KRT36: variants seen among roughly 807,000 people sequenced by gnomAD.
KRT36 encodes keratin 36.
Under a neutral mutation model 43.0 loss-of-function variants are expected in KRT36, and 41 were observed. That is an observed-to-expected ratio of 0.95 (90% CI 0.74 to 1.24). The LOEUF is 1.24. KRT36 is among the 50% of genes most tolerant of loss of function. KRT36 has a pLI of 0.00. For missense variants in KRT36, 627 were observed against 595.3 expected (o/e 1.05, Z -0.55); for synonymous variants, 277 against 252.9 (o/e 1.10, Z -0.90).
chr17:41,489,722 T>C lies in KRT36; in HGVS notation c.143A>G (p.Tyr48Cys). The change falls in exon 1 of 7, where the codon TAC (tyrosine) becomes TGC (cysteine). Residue 48 changes from tyrosine (Y) to cysteine (C), a missense_variant. Physicochemically the swap from Tyr to Cys is radical, Grantham distance 194. Transcript: ENST00000328119. ...GAGGCCCGACCTAGCAGAAGAGATG[T>C]ACCCTGCAGCACCGGCGAGACTGGG... ...RVPSLAGAAG[Y>C]ISSARSGLSG... 2 of 1,614,048 alleles carry C rather than the reference T, an allele frequency of 1.2e-6. No individual in the cohort carries two copies. Among genetic ancestry groups the C allele is most frequent in the Non-Finnish European group, 1.7e-6 (2 of 1,180,008 alleles).
At position 41,488,417 on chromosome 17, in the gene KRT36, T is replaced by C. The variant is rs1311021457; in HGVS notation, c.543-18A>G. ...TCTCATACCTGCACACACAGAACCC[T>C]GCCAAGTCTGCAGCAAAGGAAACCA... On this transcript the variant is annotated intron_variant, in intron 2 of 6. Coordinates refer to ENST00000328119, the MANE Select transcript of KRT36 (RefSeq NM_003771.5). 6.2e-7 allele frequency: 1 copy of C among 1,609,530 alleles called. No homozygotes were observed. Among genetic ancestry groups the C allele is most frequent in the Non-Finnish European group, 8.5e-7 (1 of 1,176,630 alleles).
Position 41,486,210 on chromosome 17 carries a change from GCA to G in KRT36, c.*164_*165del. 1.7e-6 allele frequency: 1 copy of G among 592,884 alleles called. No homozygotes were observed. Among genetic ancestry groups the G allele is most frequent in the South Asian group, 2.1e-5 (1 of 47,586 alleles). The allele number at this position is 592,884 out of a possible 1,614,324, so 36.7% of individuals were successfully genotyped here. A position where few individuals can be genotyped will look rare whatever the true frequency, so the allele number is the denominator to read the frequency against. On this transcript the variant is annotated 3_prime_UTR_variant, in exon 7 of 7. Coordinates refer to ENST00000328119, the MANE Select transcript of KRT36 (RefSeq NM_003771.5). ...AAACCTGGTTTTGCATGGCGTAAAAGCACAGTTAAGTCCGGAAACACAATACG... is the reference window on the plus strand; with the variant it reads ...AAACCTGGTTTTGCATGGCGTAAAAGCAGTTAAGTCCGGAAACACAATACG...
At position 41,488,518 on chromosome 17, in the gene KRT36, C is replaced by T. The variant is rs55858952; in HGVS notation, c.543-119G>A. ...ATCAGGAGCATGACACTCCTTTCCC[C>T]TGAGGTCCAGGGCTCATGCCACATT... is the stretch of plus-strand genomic sequence containing the variant. On this transcript the variant is annotated intron_variant, in intron 2 of 6. Coordinates refer to ENST00000328119, the MANE Select transcript of KRT36 (RefSeq NM_003771.5). 1.8e-5 allele frequency: 27 copies of T among 1,506,070 alleles called. No individual in the cohort carries two copies. In the South Asian group the frequency reaches 2.9e-4, roughly 16 times the overall value. 93.3% of individuals were successfully genotyped at this position (1,506,070 alleles called of 1,614,324 possible).
Position 41,486,509 on chromosome 17 carries a change from G to A in KRT36, c.1271C>T (p.Pro424Leu), listed in dbSNP as rs147704814. Residue 424 changes from proline to leucine, a missense_variant, in exon 7 of 7, where the codon CCG becomes CTG. By Grantham distance (98) the Pro-to-Leu change is moderately conservative. Coordinates refer to ENST00000328119, the MANE Select transcript of KRT36 (RefSeq NM_003771.5). ...KPVIRVPSVP[P>L]VPCVPSVPCT... ...GGGCACAGAGGGGACACAGGGCACC[G>A]GGGGGACAGAAGGAACTCTAATAAC... The A allele has an allele frequency of 2.8e-5, 45 of 1,608,778 alleles. No homozygotes were observed. The highest frequency in any genetic ancestry group is 3.7e-5 in the Non-Finnish European group (43 of 1,177,792).
chr17:41,488,513 T>C, intron 2 of KRT36, 114 bp from the exon 3 acceptor site: 2 of 1,504,076 alleles, frequency 1.3e-6, no homozygotes, highest in Admixed American at 3.4e-5. Flanking sequence ...TGACACTCCT[T>C]TCCCCTGAGG....
chr17:41,488,785 G>C, intron 1 of KRT36, 61 bp from the exon 2 acceptor site: 3 of 1,393,748 alleles, frequency 2.2e-6, no homozygotes, highest in South Asian at 2.3e-5. Context: ...GGCAGGTAGG[G>C]GGATAGCTCA....
In KRT36 at chr17:41,488,725, C is replaced by T; in HGVS notation, c.460-1G>A. On this transcript the variant is annotated splice_acceptor_variant, in intron 1 of 6. Transcript: ENST00000328119. LOFTEE classifies it high-confidence loss of function. ...CATTCTCAGACTTAGTCAGCAGGAT[C>T]TGGGGAACAAGAGGCTTCCCATAAG... 1 of 1,614,034 alleles carries T rather than the reference C, an allele frequency of 6.2e-7. No individual in the cohort carries two copies. Among genetic ancestry groups the T allele is most frequent in the Non-Finnish European group, 8.5e-7 (1 of 1,179,954 alleles).
chr17:41,489,431 T>C lies in KRT36; in HGVS notation c.434A>G (p.Lys145Arg). Residue 145 changes from lysine (K) to arginine (R), a missense_variant, in exon 1 of 7, where the codon AAG (lysine) becomes AGG (arginine). Lys to Arg is a conservative substitution (Grantham distance 26). Coordinates refer to ENST00000328119, the MANE Select transcript of KRT36 (RefSeq NM_003771.5). ...CTTCTGCTGGAAATCTTCGATGGTC[T>C]TGAAGTAGGACTGGTAGTCTGGGCA... ...YICPDYQSYFKTIEDFQQKIL... is the reference protein window; with the variant it reads ...YICPDYQSYFRTIEDFQQKIL... The C allele has an allele frequency of 6.2e-7, 1 of 1,614,044 alleles. No homozygotes were observed. The highest frequency in any genetic ancestry group is 1.3e-5 in the African/African-American group (1 of 75,044).
chr17:41,487,780 G>A (rs779097120), intron 3 of KRT36, 43 bp from the exon 4 acceptor site: 18 of 1,570,912 alleles, frequency 1.1e-5, no homozygotes, highest in Non-Finnish European at 1.6e-5. Context: ...TGAAAAAGAT[G>A]CTGGATTGCA....
chr17:41,487,991 T>A (rs1904453509), intron 3 of KRT36, among the ~76,000 whole-genome samples: 1 of 152,204 alleles, frequency 6.6e-6, no homozygotes, highest in South Asian at 2.1e-4. Flanking sequence ...AGACATGTAG[T>A]GTTATGGGCA....
At chr17:41,487,504 T>C in intron 4 of KRT36, 28 bp from the exon 5 acceptor site, 2 of 1,613,698 alleles carry the variant, frequency 1.2e-6, no homozygotes, top group Non-Finnish European at 8.5e-7. Flanking sequence ...GCCCAGAGCA[T>C]GGTCAAACCA....
At chr17:41,488,131 A>G (rs1904456257) in intron 3 of KRT36, 112 bp downstream of exon 3, 1 of 998,824 alleles carries the variant, frequency 1.0e-6, no homozygotes, top group Admixed American at 2.3e-5. Flanking sequence ...ATGAAACGAG[A>G]ATGAAATGCA....
In KRT36 at chr17:41,488,490, G is replaced by C. The variant is rs185178684; in HGVS notation, c.543-91C>G. ...CTACTGTCCAGCTGCAGTGGCTGAC[G>C]GGATCAGGAGCATGACACTCCTTTC... On this transcript the variant is annotated intron_variant, in intron 2 of 6. Coordinates refer to ENST00000328119, the MANE Select transcript of KRT36 (RefSeq NM_003771.5). 19 of 1,541,500 alleles carry C rather than the reference G, an allele frequency of 1.2e-5. No individual in the cohort carries two copies. The South Asian group carries it at 1.9e-4, about 15-fold the overall frequency.
intron 1 of KRT36, 64 bp downstream of exon 1, chr17:41,489,342 G>A: frequency 6.5e-7 from 1 of 1,529,480 alleles, no homozygotes; most frequent in South Asian, 1.2e-5. Flanking sequence ...AAAGGCCCTG[G>A]AATGAGACAG....
intron 3 of KRT36, 79 bp from the exon 4 acceptor site, chr17:41,487,816 C>A (rs944501712): frequency 5.7e-6 from 8 of 1,404,290 alleles, no homozygotes; most frequent in Non-Finnish European, 6.9e-6. Flanking sequence ...AATTCAAACC[C>A]TCTTCCCTCA....
At chr17:41,486,873 A>C (rs868391497) in intron 6 of KRT36, 77 bp downstream of exon 6, 3 of 1,356,864 alleles carry the variant, frequency 2.2e-6, no homozygotes, top group South Asian at 2.6e-5. Flanking sequence ...CTGGGCGACA[A>C]CCACTTCTGG....
Position 41,488,388 on chromosome 17 carries a change from T to C in KRT36, c.554A>G (p.Glu185Gly), listed in dbSNP as rs1245883372. The C allele has an allele frequency of 6.2e-7, 1 of 1,613,994 alleles. No individual in the cohort carries two copies. The highest frequency in any genetic ancestry group is 8.5e-7 in the Non-Finnish European group (1 of 1,179,906). ...CTCCACTAGCTGCCGCAGAGACAGCTCTGTCTCATACCTGCACACACAGAA... is the reference window on the plus strand; with the variant it reads ...CTCCACTAGCTGCCGCAGAGACAGCCCTGTCTCATACCTGCACACACAGAA... ...ADDFRTKYET[E>G]LSLRQLVEAD... is the part of the protein sequence containing the mutation. Residue 185 changes from glutamate to glycine, a missense_variant, in exon 3 of 7, where the codon GAG becomes GGG. By Grantham distance (98) the Glu-to-Gly change is moderately conservative (BLOSUM62 -2). Coordinates refer to ENST00000328119, the MANE Select transcript of KRT36 (RefSeq NM_003771.5).
chr17:41,487,851 A>G (rs1904450535), intron 3 of KRT36, 114 bp from the exon 4 acceptor site: 2 of 1,006,356 alleles, frequency 2.0e-6, no homozygotes, highest in Non-Finnish European at 2.9e-6. Flanking sequence ...AGCATTAGAC[A>G]GGATACTTAA....
intron 1 of KRT36, 76 bp downstream of exon 1, chr17:41,489,329 TG>T: frequency 6.8e-7 from 1 of 1,471,680 alleles, no homozygotes; most frequent in Non-Finnish European, 9.3e-7. Context: ...CCGTCCCATC[TG>T]GAAAGGCCCT....
Sources: allele counts gnomAD v4.1 joint callset (sites outside exome capture counted in the v4.1 genomes callset), GRCh38; gene constraint gnomAD v4.1.1; transcripts MANE v1.5; gene names NCBI Gene and HGNC (gene_info 2026-07-23, HGNC 2026-07-21).